Variants in ADAMTSL1 observed in about 807,000 individuals in gnomAD.
The protein encoded by ADAMTSL1 is ADAMTS-like protein 1.
Under a neutral mutation model 201.8 loss-of-function variants are expected in ADAMTSL1, and 126 were observed. That is an observed-to-expected ratio of 0.62 (90% CI 0.54 to 0.72). The LOEUF (loss-of-function observed/expected upper bound fraction) is 0.72, where lower values mean the gene tolerates loss of function less well. ADAMTSL1 is among the 30% of genes least tolerant of loss of function. The pLI is 0.00. For synonymous variants in ADAMTSL1, 1,121 were observed against 903.4 expected (o/e 1.24, Z -4.32); for missense variants, 2,679 against 2,277.8 (o/e 1.18, Z -3.59).
chr9:18,301,521 A>T (rs925708838), intron 2 of ADAMTSL1, among the ~76,000 whole-genome samples: 2 of 152,174 alleles, frequency 1.3e-5, no homozygotes, highest in African/African-American at 4.8e-5. Flanking sequence ...TGTGCACAGT[A>T]AGAAAGTAAC....
At position 18,680,312 on chromosome 9, in the gene ADAMTSL1, G is replaced by T; in HGVS notation, c.1137G>T (p.Arg379=). The T allele has an allele frequency of 6.2e-7, 1 of 1,613,930 alleles. No individual in the cohort carries two copies. Among genetic ancestry groups the T allele is most frequent in the Non-Finnish European group, 8.5e-7 (1 of 1,179,946 alleles). ...CTGATGACTCCCCTTGCTTCTGTAG[G>T]TGGGAGGCCACCCCATGGACCGCGT... ...MPYDLYHPLP[R]WEATPWTACS... is the part of the protein sequence containing the mutation. The change falls in exon 11 of 29, where the codon CGG becomes CGT. Residue 379 remains arginine, a splice_region_variant and synonymous_variant. Coordinates refer to ENST00000380548, the MANE Select transcript of ADAMTSL1 (RefSeq NM_001040272.6).
At chr9:18,392,460 T>C (rs1838091631) in intron 2 of ADAMTSL1, among the ~76,000 whole-genome samples, 3 of 152,186 alleles carry the variant, frequency 2.0e-5, no homozygotes, top group Admixed American at 6.5e-5. Flanking sequence ...CTTTACTTCA[T>C]CCTACATCTC....
At chr9:18,041,223 T>C (rs1267382731) in intron 1 of ADAMTSL1, among the ~76,000 whole-genome samples, 1 of 152,196 alleles carries the variant, frequency 6.6e-6, no homozygotes, top group Non-Finnish European at 1.5e-5. Context: ...GCCCTGTCAT[T>C]TGGAATAAAT....
chr9:18,785,900 G>C (rs1341510903), intron 19 of ADAMTSL1, among the ~76,000 whole-genome samples: 1 of 152,166 alleles, frequency 6.6e-6, no homozygotes, highest in Admixed American at 6.5e-5. Flanking sequence ...AAAATTACTG[G>C]ATGAGGATTG....
intron 3 of ADAMTSL1, among the ~76,000 whole-genome samples, chr9:18,537,371 A>G (rs1408429735): frequency 6.6e-6 from 1 of 152,220 alleles, no homozygotes; most frequent in Non-Finnish European, 1.5e-5. Context: ...AAGGAGTAGC[A>G]ATCCAGAAAG....
chr9:18,360,189 C>A (rs986385391), intron 2 of ADAMTSL1, among the ~76,000 whole-genome samples: 2 of 152,102 alleles, frequency 1.3e-5, no homozygotes, highest in African/African-American at 4.8e-5. Flanking sequence ...GATCCCCAAG[C>A]AGCTGCCTCT....
intron 1 of ADAMTSL1, among the ~76,000 whole-genome samples, chr9:18,148,370 G>A (rs1350444445): frequency 6.6e-6 from 1 of 151,614 alleles, no homozygotes; most frequent in African/African-American, 2.4e-5. Flanking sequence ...GATTAACAGG[G>A]TAGAGGAATT....
intron 13 of ADAMTSL1, among the ~76,000 whole-genome samples, chr9:18,698,023 T>C (rs560551069): frequency 4.6e-5 from 7 of 152,254 alleles, no homozygotes; most frequent in Non-Finnish European, 1.0e-4. Flanking sequence ...ATAATAGTTT[T>C]ATCTGATAAT....
chr9:18,342,020 T>C (rs993591484), intron 2 of ADAMTSL1, among the ~76,000 whole-genome samples: 2 of 152,158 alleles, frequency 1.3e-5, no homozygotes, highest in African/African-American at 4.8e-5. Flanking sequence ...ACTGAATACT[T>C]TTTGTATGGA....
At chr9:17,930,043 G>C (rs1279731029) in intron 1 of ADAMTSL1, among the ~76,000 whole-genome samples, 1 of 152,120 alleles carries the variant, frequency 6.6e-6, no homozygotes, top group Non-Finnish European at 1.5e-5. Flanking sequence ...TACAGTGAAT[G>C]TATACATTAT....
chr9:18,547,783 G>A (rs1391436505), intron 3 of ADAMTSL1, among the ~76,000 whole-genome samples: 2 of 151,764 alleles, frequency 1.3e-5, no homozygotes, highest in South Asian at 2.1e-4. Context: ...TCTGGGTCTA[G>A]ACTTGCAATT....
At chr9:18,238,488 T>C (rs1830935400) in intron 2 of ADAMTSL1, among the ~76,000 whole-genome samples, 2 of 152,180 alleles carry the variant, frequency 1.3e-5, no homozygotes, top group African/African-American at 4.8e-5. Context: ...GTCTGTGTAC[T>C]GTAGCTGTTA....
chr9:18,294,739 T>G (rs114403678), intron 2 of ADAMTSL1, among the ~76,000 whole-genome samples: 2,221 of 152,208 alleles, frequency 0.015, 62 homozygotes, highest in African/African-American at 0.051. Context: ...AGTTCTTCAT[T>G]TTGAAGAATT....
intron 4 of ADAMTSL1, among the ~76,000 whole-genome samples, chr9:18,582,100 C>T (rs766044862): frequency 2.0e-5 from 3 of 152,214 alleles, no homozygotes; most frequent in Non-Finnish European, 4.4e-5. Flanking sequence ...ATCTCTATTC[C>T]TGGCTTCTGC....
In ADAMTSL1 at chr9:18,826,264, T is replaced by G. The variant is rs778989960; in HGVS notation, c.3935-20T>G. 337 of 33,650 alleles carry G rather than the reference T, an allele frequency of 0.01. 1 individual carries two copies. Among genetic ancestry groups the G allele is most frequent in the East Asian group, 0.034 (117 of 3,430 alleles). 2.1% of individuals were successfully genotyped at this position (33,650 alleles called of 1,614,324 possible). ...TTTGACTGATGAGTGGGGTTTTTTG[T>G]TTTTTTTTTTTCTTCCTAGGAGTGC... On this transcript the variant is annotated intron_variant, in intron 21 of 28. Coordinates refer to ENST00000380548, the MANE Select transcript of ADAMTSL1 (RefSeq NM_001040272.6).
chr9:17,906,819 T>TC (rs1430253133), exon 1 of ADAMTSL1: 1 of 151,910 alleles, frequency 6.6e-6, no homozygotes, highest in Non-Finnish European at 1.5e-5. Context: ...CTCCCCTTGG[T>TC]CCCCGCCATG....
At chr9:18,321,815 A>G (rs1834634607) in intron 2 of ADAMTSL1, among the ~76,000 whole-genome samples, 1 of 151,958 alleles carries the variant, frequency 6.6e-6, no homozygotes, top group Non-Finnish European at 1.5e-5. Flanking sequence ...ACAAAACAAA[A>G]CAAAAAAAAC....
intron 2 of ADAMTSL1, among the ~76,000 whole-genome samples, chr9:18,234,080 A>G (rs1184646291): frequency 5.3e-5 from 8 of 152,172 alleles, no homozygotes; most frequent in Non-Finnish European, 8.8e-5. Context: ...TTGGAGAACT[A>G]TTTCACAGGT....
intron 5 of ADAMTSL1, among the ~76,000 whole-genome samples, chr9:18,634,609 G>A (rs1342518628): frequency 6.6e-6 from 1 of 151,938 alleles, no homozygotes; most frequent in Non-Finnish European, 1.5e-5. Flanking sequence ...GGAGGCTGAG[G>A]TGAGCGGATC....
Sources: gnomAD v4.1 joint callset for allele counts (sites outside exome capture counted in the v4.1 genomes callset) on GRCh38, gnomAD v4.1.1 for gene constraint, MANE v1.5 for transcripts, NCBI Gene and HGNC (gene_info 2026-07-23, HGNC 2026-07-21) for gene names.